Variants in AJUBA observed in about 807,000 individuals in gnomAD.
AJUBA encodes LIM domain-containing protein ajuba.
In AJUBA, 20 loss-of-function variants were observed where a neutral mutation model predicts 53.3. The observed-to-expected ratio is 0.38, with a 90% CI of 0.26 to 0.55. The LOEUF (loss-of-function observed/expected upper bound fraction) is 0.55. Among genes scored for constraint, AJUBA ranks in the 20% least tolerant of loss-of-function variants. The probability of loss-of-function intolerance (pLI) is 0.80; values close to 1 mark genes in which losing one functional copy is unlikely to be tolerated. For synonymous variants in AJUBA, 296 were observed against 306.2 expected, an observed-to-expected ratio of 0.97 and a Z score of 0.35; for missense variants, 580 against 730.5, an observed-to-expected ratio of 0.79 and a Z score of 2.38.
chr14:22,974,268 A>T (rs950371059), intron 6 of AJUBA, among the ~76,000 whole-genome samples, 153 bp from the exon 7 acceptor site: 3 of 152,148 alleles, frequency 2.0e-5, no homozygotes, highest in African/African-American at 7.2e-5. Context: ...TGCTTCTGCA[A>T]ATCCTACCAG....
At chr14:22,973,947 C>T (rs1367916760) in intron 7 of AJUBA, 100 bp downstream of exon 7, 2 of 1,385,490 alleles carry the variant, frequency 1.4e-6, no homozygotes, top group African/African-American at 1.4e-5. Flanking sequence ...TTTCCCATGC[C>T]CTACACCTCT....
intron 2 of AJUBA, chr14:22,977,048 A>T: frequency 1.7e-6 from 2 of 1,197,176 alleles, no homozygotes; most frequent in Non-Finnish European, 2.1e-6. Flanking sequence ...GTGCTGGAAT[A>T]CGTGAGCTCT....
At chr14:22,980,621 G>A in intron 1 of AJUBA, 1 of 985,342 alleles carries the variant, frequency 1.0e-6, no homozygotes, top group Non-Finnish European at 1.2e-6. Context: ...CAGGACTGGG[G>A]AGGGACAGCA....
intron 1 of AJUBA, chr14:22,980,764 G>A (rs1594567081): frequency 1.2e-6 from 1 of 851,036 alleles, no homozygotes; most frequent in East Asian, 1.4e-4. Flanking sequence ...CAGCCGCCCC[G>A]CCCGCGGGCA....
chr14:22,973,957 TC>T (rs2045009556), intron 7 of AJUBA, 89 bp downstream of exon 7: 1 of 1,454,086 alleles, frequency 6.9e-7, no homozygotes, highest in Non-Finnish European at 9.6e-7. Context: ...CCTACACCTC[TC>T]CCATAGATGT....
chr14:22,981,421 A>T lies in AJUBA; in HGVS notation c.846T>A (p.Ala282=). ...VGARYQDELT[A]LLRLTVGTGG... is the part of the protein sequence containing the mutation. ...CGGTGCCCACCGTCAGGCGAAGCAA[A>T]GCTGTTAGCTCGTCCTGGTACCGGG... The change falls in exon 1 of 8, where the codon GCT becomes GCA. Residue 282 remains alanine, a synonymous_variant. Transcript: ENST00000262713. 1 of 1,612,260 alleles carries T rather than the reference A, an allele frequency of 6.2e-7. No homozygotes were observed.
intron 1 of AJUBA, among the ~76,000 whole-genome samples, chr14:22,980,033 T>C (rs770343765): frequency 8.3e-4 from 126 of 152,124 alleles, no homozygotes; most frequent in Non-Finnish European, 1.3e-3. Context: ...TATGCCCTTA[T>C]AGCCTGCCGC....
chr14:22,978,632 T>C, intron 1 of AJUBA, 187 bp from the exon 2 acceptor site: 2 of 1,379,830 alleles, frequency 1.4e-6, no homozygotes, highest in Non-Finnish European at 1.9e-6. Flanking sequence ...CATTCTTGTT[T>C]ATTTAATTAC....
intron 4 of AJUBA, 40 bp downstream of exon 4, chr14:22,976,416 C>T (rs184637137): frequency 6.3e-7 from 1 of 1,599,416 alleles, no homozygotes; most frequent in East Asian, 2.2e-5. Flanking sequence ...CGCTCCTCAG[C>T]CTCACAGTGA....
Position 22,979,914 on chromosome 14 carries a change from T to A in AJUBA, c.1006+1347A>T, listed in dbSNP as rs1000807294. ...AAATGAAACTGCTAAATGGGCCCTG[T>A]CATTCAGTCTTCCTTGATCAAAGCG... is the stretch of plus-strand genomic sequence containing the variant. On this transcript the variant is annotated intron_variant, in intron 1 of 7. Transcript: ENST00000262713. The surrounding 1 kb of genome is among the most constrained non-coding windows in gnomAD (Gnocchi z 4.0). 4.6e-5 allele frequency among the ~76,000 whole-genome samples: 7 copies of A among 151,856 alleles called. No homozygotes were observed. Among genetic ancestry groups the A allele is most frequent in the Non-Finnish European group, 8.8e-5 (6 of 67,966 alleles).
At chr14:22,980,667 C>A in intron 1 of AJUBA, 1 of 985,334 alleles carries the variant, frequency 1.0e-6, no homozygotes, top group Non-Finnish European at 1.2e-6. Flanking sequence ...GTCTCCCAGG[C>A]TCCATTTCCC....
intron 4 of AJUBA, chr14:22,975,704 C>A (rs1387248012): frequency 6.6e-6 from 1 of 152,178 alleles, no homozygotes; most frequent in Non-Finnish European, 1.5e-5. Flanking sequence ...ACTAAAAACA[C>A]ACCAAAAAAT....
At chr14:22,975,359 A>G (rs559219081) in intron 4 of AJUBA, 7 of 432,580 alleles carry the variant, frequency 1.6e-5, no homozygotes, top group South Asian at 1.1e-4. Context: ...AAAAACATCA[A>G]TGCTTTGGCC....
intron 7 of AJUBA, 116 bp from the exon 8 acceptor site, chr14:22,973,684 T>TGGGAA (rs1184709808): frequency 1.4e-6 from 2 of 1,424,728 alleles, no homozygotes; most frequent in African/African-American, 2.8e-5. Flanking sequence ...AGGGATGGGG[T>TGGGAA]GGGAAGGGAA....
At chr14:22,978,764 A>G in intron 1 of AJUBA, 1 of 1,201,630 alleles carries the variant, frequency 8.3e-7, no homozygotes, top group Non-Finnish European at 1.1e-6. Context: ...TTGGGGAGAA[A>G]AGACTACACA....
In AJUBA at chr14:22,982,151, C is replaced by T; in HGVS notation, c.116G>A (p.Ser39Asn). The T allele has an allele frequency of 6.2e-7, 1 of 1,611,420 alleles. No individual in the cohort carries two copies. The highest frequency in any genetic ancestry group is 8.5e-7 in the Non-Finnish European group (1 of 1,178,784). Residue 39 changes from serine (S) to asparagine (N), a missense_variant, in exon 1 of 8, where the codon AGT (serine) becomes AAT (asparagine). Transcript: ENST00000262713. ...TGACTTCCTAGGTCCCCCCAACCCACTTAGGCGCCCCTTGCCCGGCCCGGG... is the reference window on the plus strand; with the variant it reads ...TGACTTCCTAGGTCCCCCCAACCCATTTAGGCGCCCCTTGCCCGGCCCGGG... ...GTPGPGKGRLSGLGGPRKSGP... is the reference protein window; with the variant it reads ...GTPGPGKGRLNGLGGPRKSGP...
chr14:22,976,421 C>T (rs1247326145), intron 4 of AJUBA, 35 bp downstream of exon 4: 2 of 1,604,966 alleles, frequency 1.2e-6, no homozygotes, highest in African/African-American at 2.7e-5. Flanking sequence ...CTCAGCCTCA[C>T]AGTGAGACTT....
At chr14:22,974,659 G>A (rs1455367890) in intron 6 of AJUBA, 180 bp downstream of exon 6, 4 of 660,562 alleles carry the variant, frequency 6.1e-6, no homozygotes, top group African/African-American at 3.6e-5. Context: ...TTTCAGACAT[G>A]TCCAGGCCCG....
chr14:22,982,077 C>T lies in AJUBA; in HGVS notation c.190G>A (p.Ala64Thr). Reference protein sequence around the residue: ...GGPGDEPLEPAREQGSLDAER... With the variant: ...GGPGDEPLEPTREQGSLDAER... ...GCGTCCAGGGAACCTTGCTCCCGGGCCGGCTCCAACGGCTCATCCCCAGGT... is the reference window on the plus strand; with the variant it reads ...GCGTCCAGGGAACCTTGCTCCCGGGTCGGCTCCAACGGCTCATCCCCAGGT... The change falls in exon 1 of 8, where the codon GCC (alanine) becomes ACC (threonine). Residue 64 changes from alanine (A) to threonine (T), a missense_variant. Around this residue, in one of 2 missense-constraint regions of AJUBA, gnomAD observed 430 missense variants for 471.5 expected, o/e 0.91. Coordinates refer to ENST00000262713, the MANE Select transcript of AJUBA (RefSeq NM_032876.6). 1.9e-6 allele frequency: 3 copies of T among 1,591,202 alleles called. No homozygotes were observed. Among genetic ancestry groups the T allele is most frequent in the Non-Finnish European group, 2.6e-6 (3 of 1,172,064 alleles).
Sources: allele counts gnomAD v4.1 joint callset (sites outside exome capture counted in the v4.1 genomes callset), GRCh38; gene constraint gnomAD v4.1.1; regional missense constraint gnomAD v4.1.1; non-coding constraint Gnocchi (gnomAD v3.1); transcripts MANE v1.5; gene names NCBI Gene and HGNC (gene_info 2026-07-23, HGNC 2026-07-21).